Variants in KDM4C observed in about 807,000 individuals in gnomAD.
KDM4C encodes lysine demethylase 4C.
KDM4C carries 81 observed loss-of-function variants against 129.3 expected under a neutral mutation model. The observed-to-expected ratio is 0.63, with a 90% CI of 0.52 to 0.75. The LOEUF is 0.75. Ranked by LOEUF, KDM4C falls within the 30% of genes least tolerant of loss-of-function variation. The pLI, the probability that KDM4C is intolerant of heterozygous loss-of-function variation, is 0.00. For missense variants in KDM4C, 1,457 were observed against 1,304.0 expected (o/e 1.12, Z -1.81); for synonymous variants, 573 against 456.1 (o/e 1.26, Z -3.26).
chr9:6,943,067 C>G (rs1267786121), intron 8 of KDM4C, among the ~76,000 whole-genome samples: 1 of 152,054 alleles, frequency 6.6e-6, no homozygotes, highest in Non-Finnish European at 1.5e-5. Context: ...CGAGGTCTTG[C>G]CATGGTTCCC....
At chr9:6,939,959 A>AATCTATCTACCTACCT (rs149769129) in intron 8 of KDM4C, among the ~76,000 whole-genome samples, 2,221 of 110,456 alleles carry the variant, frequency 0.02, 182 homozygotes, top group South Asian at 0.045. Flanking sequence ...TCCAATAACC[A>AATCTATCTACCTACCT]ACCTACCTAC....
intron 16 of KDM4C, among the ~76,000 whole-genome samples, chr9:7,048,025 G>A (rs1218749117): frequency 3.3e-5 from 5 of 152,016 alleles, no homozygotes; most frequent in South Asian, 2.1e-4. Context: ...TTGTTGTAAG[G>A]AACTGTAGGG....
At chr9:6,873,515 C>T (rs900648734) in intron 5 of KDM4C, among the ~76,000 whole-genome samples, 1 of 152,240 alleles carries the variant, frequency 6.6e-6, no homozygotes, top group Non-Finnish European at 1.5e-5. Flanking sequence ...GTACTTCTCT[C>T]TTATGGATAC....
chr9:6,974,935 T>C (rs979535511), intron 8 of KDM4C: 3 of 152,222 alleles, frequency 2.0e-5, no homozygotes, highest in Admixed American at 1.3e-4. Flanking sequence ...CTATCAGATA[T>C]TCAGGTAAGT....
intron 8 of KDM4C, among the ~76,000 whole-genome samples, chr9:6,911,544 A>C (rs997746822): frequency 6.6e-6 from 1 of 152,234 alleles, no homozygotes; most frequent in Admixed American, 6.5e-5. Context: ...GTTGAAATTC[A>C]TGCCTGTCCT....
At chr9:6,835,306 G>A in intron 4 of KDM4C, 1 of 908,804 alleles carries the variant, frequency 1.1e-6, no homozygotes, top group Non-Finnish European at 1.9e-6. Context: ...TATGAAGTGT[G>A]ATGTGGACAT....
At chr9:6,919,429 C>G (rs1204529634) in intron 8 of KDM4C, among the ~76,000 whole-genome samples, 2 of 151,376 alleles carry the variant, frequency 1.3e-5, no homozygotes, top group Non-Finnish European at 2.9e-5. Context: ...AAAAAAAAAT[C>G]TTAATCCCTC....
At chr9:6,891,199 G>C (rs1846072952) in intron 7 of KDM4C, among the ~76,000 whole-genome samples, 1 of 152,092 alleles carries the variant, frequency 6.6e-6, no homozygotes, top group Non-Finnish European at 1.5e-5. Flanking sequence ...TGAAATAATA[G>C]GGGCATGGAC....
chr9:6,918,999 C>T (rs1367173584), intron 8 of KDM4C, among the ~76,000 whole-genome samples: 2 of 151,892 alleles, frequency 1.3e-5, no homozygotes, highest in Admixed American at 1.3e-4. Flanking sequence ...TTACAGGCAA[C>T]GGCCACCATG....
intron 4 of KDM4C, chr9:6,815,091 A>G (rs1831842752): frequency 6.3e-6 from 1 of 159,996 alleles, no homozygotes; most frequent in African/African-American, 2.4e-5. Flanking sequence ...CAGAAGCAGT[A>G]TTTTAGATAT....
chr9:7,101,468 C>A (rs1837083426), intron 17 of KDM4C, among the ~76,000 whole-genome samples: 1 of 152,192 alleles, frequency 6.6e-6, no homozygotes, highest in East Asian at 1.9e-4. Context: ...CTGCAAGAAC[C>A]TGTGTGATGT....
At chr9:6,913,980 C>G (rs1256152458) in intron 8 of KDM4C, among the ~76,000 whole-genome samples, 1 of 152,228 alleles carries the variant, frequency 6.6e-6, no homozygotes, top group Non-Finnish European at 1.5e-5. Context: ...TTCTGCGTTT[C>G]TTTTTCAATT....
chr9:6,888,649 A>G (rs1845640829), intron 7 of KDM4C, among the ~76,000 whole-genome samples: 1 of 152,198 alleles, frequency 6.6e-6, no homozygotes, highest in African/African-American at 2.4e-5. Flanking sequence ...CAGAGCTCAA[A>G]CATTTTTATG....
In KDM4C at chr9:6,926,567, C is replaced by G. The variant is rs116341591; in HGVS notation, c.921+33335C>G. On this transcript the variant is annotated intron_variant, in intron 8 of 21. Transcript: ENST00000381309. Reference sequence around the variant, plus strand: ...CCTCCTCAGTGAGAATCCGCTCTTTCTAGTCTTAACCTCAGACTCTTATTT... The same window carrying G: ...CCTCCTCAGTGAGAATCCGCTCTTTGTAGTCTTAACCTCAGACTCTTATTT... Among the ~76,000 whole-genome samples, 934 of 152,292 alleles carry G rather than the reference C, an allele frequency of 6.1e-3. 12 individuals carry two copies. Among genetic ancestry groups the G allele is most frequent in the African/African-American group, 0.022 (895 of 41,556 alleles).
intron 1 of KDM4C, chr9:6,735,109 G>T: frequency 1.1e-5 from 4 of 359,056 alleles, no homozygotes; most frequent in South Asian, 1.0e-4. Context: ...ACTGGGCAGT[G>T]CTAGGGGACA....
At chr9:6,963,884 A>G (rs910075225) in intron 8 of KDM4C, among the ~76,000 whole-genome samples, 2 of 152,108 alleles carry the variant, frequency 1.3e-5, no homozygotes, top group South Asian at 4.1e-4. Flanking sequence ...GTTTCTTGCT[A>G]TCACTTTTTT....
chr9:6,801,407 G>C (rs1413752811), intron 2 of KDM4C, among the ~76,000 whole-genome samples: 1 of 151,514 alleles, frequency 6.6e-6, no homozygotes. Flanking sequence ...CTAATTTTCT[G>C]TATTTTTTTT....
At chr9:6,889,211 T>TTTTGTGTGTGTGTG (rs766335055) in intron 7 of KDM4C, among the ~76,000 whole-genome samples, 1 of 61,552 alleles carries the variant, frequency 1.6e-5, no homozygotes, top group African/African-American at 6.7e-5. Context: ...GGCCTTCTTT[T>TTTTGTGTGTGTGTG]TGTGTGTGTG....
intron 1 of KDM4C, among the ~76,000 whole-genome samples, chr9:6,729,829 G>T (rs1435599218): frequency 7.4e-6 from 1 of 134,414 alleles, no homozygotes; most frequent in African/African-American, 3.2e-5. Context: ...CCTTCCTTAG[G>T]CCGGGCATGG....
Sources: gnomAD v4.1 joint callset for allele counts (sites outside exome capture counted in the v4.1 genomes callset) on GRCh38, gnomAD v4.1.1 for gene constraint, MANE v1.5 for transcripts, NCBI Gene and HGNC (gene_info 2026-07-23, HGNC 2026-07-21) for gene names.